Variants in CREB5 observed in about 807,000 individuals in gnomAD.
CREB5 encodes the protein cyclic AMP-responsive element-binding protein 5.
CREB5 carries 19 observed loss-of-function variants against 57.1 expected under a neutral mutation model. The ratio of observed to expected loss-of-function variants is 0.33; its 90% CI spans 0.23 to 0.49. The LOEUF (loss-of-function observed/expected upper bound fraction) is 0.49. Among genes scored for constraint, CREB5 ranks in the 20% least tolerant of loss-of-function variants. The pLI is 0.99. For synonymous variants in CREB5, 238 were observed against 238.3 expected (o/e 1.00, Z 0.01); for missense variants, 579 against 671.6 (o/e 0.86, Z 1.52).
upstream of CREB5, among the ~76,000 whole-genome samples, chr7:28,408,202 C>T (rs977322649): frequency 6.6e-6 from 1 of 152,184 alleles, no homozygotes; most frequent in African/African-American, 2.4e-5. Flanking sequence ...CCTTAGCTCA[C>T]CTGTAGAATG....
chr7:28,779,286 A>C (rs1025302086), intron 7 of CREB5: 2 of 152,240 alleles, frequency 1.3e-5, no homozygotes, highest in African/African-American at 4.8e-5. Flanking sequence ...TCGGAGGAGA[A>C]GAAAGCAGGG....
intron 9 of CREB5, among the ~76,000 whole-genome samples, chr7:28,810,103 G>A (rs1047622450): frequency 3.3e-5 from 5 of 152,024 alleles, no homozygotes; most frequent in African/African-American, 1.2e-4. Flanking sequence ...GAAGTGTCTG[G>A]GAGTGTCTAA....
At chr7:28,781,660 C>T (rs986711178) in intron 7 of CREB5, among the ~76,000 whole-genome samples, 9 of 152,098 alleles carry the variant, frequency 5.9e-5, no homozygotes, top group South Asian at 4.1e-4. Context: ...AAAAGTATAA[C>T]GTTTCATTTC....
chr7:28,372,870 A>G lies in CREB5; in HGVS notation c.-25+73429A>G, dbSNP rs535345039. Among the ~76,000 whole-genome samples, 3 of 152,336 alleles carry G rather than the reference A, an allele frequency of 2.0e-5. No homozygotes were observed. In the East Asian group the frequency reaches 5.8e-4, roughly 29 times the overall value. On this transcript the variant is annotated intron_variant, in intron 1 of 9. Transcript: ENST00000396299. ...TTAAAACATTTAATTTTGATCTTAA[A>G]ATATAGAGCTGCCTAGCAGAACTTG...
chr7:28,468,171 A>C (rs1280870567), intron 1 of CREB5, among the ~76,000 whole-genome samples: 1 of 152,158 alleles, frequency 6.6e-6, no homozygotes, highest in Admixed American at 6.5e-5. Context: ...TGGGTAGGAC[A>C]TAGGGGGCTC....
intron 7 of CREB5, among the ~76,000 whole-genome samples, chr7:28,780,186 A>T (rs1332823294): frequency 6.6e-6 from 1 of 152,122 alleles, no homozygotes; most frequent in Non-Finnish European, 1.5e-5. Flanking sequence ...CTGTTTGGTT[A>T]GTTCCTGTGG....
chr7:28,464,482 T>C (rs1790474318), intron 1 of CREB5, among the ~76,000 whole-genome samples: 1 of 147,738 alleles, frequency 6.8e-6, no homozygotes, highest in Non-Finnish European at 1.5e-5. Flanking sequence ...TGATCTCTCC[T>C]TTGTGGAAAG....
chr7:28,338,336 A>T (rs1454209261), intron 1 of CREB5, among the ~76,000 whole-genome samples: 1 of 152,054 alleles, frequency 6.6e-6, no homozygotes, highest in South Asian at 2.1e-4. Flanking sequence ...GTTTTTGTTC[A>T]TCTGGGAAAG....
At chr7:28,507,089 A>G (rs1473496619) in intron 3 of CREB5, among the ~76,000 whole-genome samples, 1 of 152,226 alleles carries the variant, frequency 6.6e-6, no homozygotes, top group Non-Finnish European at 1.5e-5. Context: ...TCAGAAAGAG[A>G]GACAGAATTG....
At chr7:28,413,561 C>T (rs1314547925) in intron 1 of CREB5, among the ~76,000 whole-genome samples, 1 of 152,054 alleles carries the variant, frequency 6.6e-6, no homozygotes, top group African/African-American at 2.4e-5. Flanking sequence ...TCATAGTAAA[C>T]ATATTTGAAA....
intron 5 of CREB5, among the ~76,000 whole-genome samples, chr7:28,632,646 G>A (rs767133627): frequency 3.3e-5 from 5 of 152,156 alleles, no homozygotes; most frequent in South Asian, 2.1e-4. Context: ...GACAGAGAAC[G>A]CTGCTACTTA....
At chr7:28,670,442 T>A (rs1583513839) in intron 5 of CREB5, among the ~76,000 whole-genome samples, 1 of 152,360 alleles carries the variant, frequency 6.6e-6, no homozygotes, top group East Asian at 1.9e-4. Context: ...TCGGTGATTT[T>A]AAATGTATCT....
intron 1 of CREB5, among the ~76,000 whole-genome samples, chr7:28,464,539 T>TGTC: frequency 9.4e-6 from 1 of 106,272 alleles, no homozygotes; most frequent in South Asian, 3.0e-4. Flanking sequence ...GTGTGTGTGT[T>TGTC]ACTAATGCAA....
At chr7:28,633,520 G>A (rs924553875) in intron 5 of CREB5, among the ~76,000 whole-genome samples, 1 of 152,198 alleles carries the variant, frequency 6.6e-6, no homozygotes, top group Non-Finnish European at 1.5e-5. Flanking sequence ...GAGAATACCT[G>A]AGGAAGTAAA....
chr7:28,673,027 C>T (rs1488460178), intron 5 of CREB5, among the ~76,000 whole-genome samples: 1 of 152,168 alleles, frequency 6.6e-6, no homozygotes, highest in Non-Finnish European at 1.5e-5. Context: ...CTGCCCTTTT[C>T]TAAGTCAGTG....
chr7:28,806,405 T>A (rs1175120790), intron 8 of CREB5, among the ~76,000 whole-genome samples: 3 of 151,770 alleles, frequency 2.0e-5, no homozygotes, highest in Non-Finnish European at 4.4e-5. Flanking sequence ...GATCTTGCCA[T>A]TTTGCTTAAT....
At chr7:28,761,109 C>A (rs539103249) in intron 7 of CREB5, among the ~76,000 whole-genome samples, 2 of 152,092 alleles carry the variant, frequency 1.3e-5, no homozygotes, top group Admixed American at 1.3e-4. Flanking sequence ...ACAAAGCACA[C>A]AACAGTATAT....
At chr7:28,760,598 T>G (rs368969103) in intron 7 of CREB5, among the ~76,000 whole-genome samples, 30 of 152,204 alleles carry the variant, frequency 2.0e-4, no homozygotes, top group African/African-American at 7.2e-4. Context: ...TAGTAGACTG[T>G]TTTGCCACAC....
intron 3 of CREB5, among the ~76,000 whole-genome samples, chr7:28,502,790 G>T (rs1251556536): frequency 6.6e-6 from 1 of 152,158 alleles, no homozygotes; most frequent in African/African-American, 2.4e-5. Flanking sequence ...TATGTGATGG[G>T]ACCCCTGCAT....
Sources: allele counts gnomAD v4.1 joint callset (sites outside exome capture counted in the v4.1 genomes callset), GRCh38; gene constraint gnomAD v4.1.1; transcripts MANE v1.5; gene names NCBI Gene and HGNC (gene_info 2026-07-23, HGNC 2026-07-21).